TEX11: variants seen among roughly 807,000 people sequenced by gnomAD.
TEX11 encodes testis expressed 11.
TEX11 carries 7 observed loss-of-function variants against 84.4 expected under a neutral mutation model. The ratio of observed to expected loss-of-function variants is 0.08; its 90% CI spans 0.05 to 0.16. The LOEUF (loss-of-function observed/expected upper bound fraction) is 0.16. TEX11 is among the 10% of genes least tolerant of loss of function. The probability of loss-of-function intolerance (pLI) is 1.00; values close to 1 mark genes in which losing one functional copy is unlikely to be tolerated. For missense variants in TEX11, 551 were observed against 660.5 expected (o/e 0.83, Z 1.82); for synonymous variants, 264 against 222.8 (o/e 1.18, Z -1.64).
At chrX:70,734,950 A>C (rs1016446965) in intron 11 of TEX11, among the ~76,000 whole-genome samples, 1 of 112,415 alleles carries the variant, frequency 8.9e-6, no homozygotes, top group African/African-American at 3.2e-5. Context: ...ATTCTATTTA[A>C]CATAGTAATG....
chrX:70,869,810 A>G (rs1224857601), intron 4 of TEX11, among the ~76,000 whole-genome samples: 2 of 110,943 alleles, frequency 1.8e-5, no homozygotes, highest in African/African-American at 3.3e-5. Context: ...GGCCTGAAAT[A>G]TCCTGGTCCT....
At chrX:70,760,050 C>A (rs1481383148) in intron 9 of TEX11, among the ~76,000 whole-genome samples, 1 of 111,577 alleles carries the variant, frequency 9.0e-6, no homozygotes, top group Non-Finnish European at 1.9e-5. Context: ...AAGAATCCAA[C>A]TAACAAGGGA....
At position 70,767,507 on chromosome X, in the gene TEX11, C is replaced by A. The variant is rs141076109; in HGVS notation, c.693-23288G>T. ...AGAAAAGGGGTGGAGAAAAGGGAAC[C>A]CTTGCACAATGTTGGCAGGGATGTA... is the stretch of plus-strand genomic sequence containing the variant. On this transcript the variant is annotated intron_variant, in intron 9 of 29. Coordinates refer to ENST00000374333, the MANE Select transcript of TEX11 (RefSeq NM_031276.3). 1.8e-4 allele frequency among the ~76,000 whole-genome samples: 20 copies of A among 111,387 alleles called. No homozygotes were observed. The East Asian group carries it at 5.7e-3, about 32-fold the overall frequency.
intron 5 of TEX11, among the ~76,000 whole-genome samples, chrX:70,860,379 T>C (rs1303956874): frequency 1.8e-5 from 2 of 112,131 alleles, no homozygotes; most frequent in Non-Finnish European, 3.8e-5. Context: ...CTAAGGTAGA[T>C]ATTACTATTT....
chrX:70,908,047 T>C (rs2091843831), intron 1 of TEX11, among the ~76,000 whole-genome samples: 2 of 111,455 alleles, frequency 1.8e-5, no homozygotes, highest in African/African-American at 3.3e-5. Flanking sequence ...AGCTGAGTGG[T>C]ACCCTGTTAT....
chrX:70,520,245 C>T, the TEX11 span, among the ~76,000 whole-genome samples: 2 of 112,250 alleles, frequency 1.8e-5, no homozygotes, highest in African/African-American at 3.2e-5. Context: ...TTCTCCCCAT[C>T]TTTGTGGTTT....
At chrX:70,551,714 G>T (rs2088216990) in intron 28 of TEX11, among the ~76,000 whole-genome samples, 1 of 111,201 alleles carries the variant, frequency 9.0e-6, no homozygotes, top group South Asian at 3.8e-4. Context: ...AAAAGAAAAA[G>T]AAATCAGCAG....
chrX:70,648,516 G>A (rs887139556), intron 17 of TEX11, among the ~76,000 whole-genome samples: 1 of 110,639 alleles, frequency 9.0e-6, no homozygotes, highest in African/African-American at 3.3e-5. Flanking sequence ...AAGACAACTT[G>A]TATCCAGAAT....
intron 14 of TEX11, among the ~76,000 whole-genome samples, chrX:70,680,037 A>T (rs1342480610): frequency 3.7e-4 from 20 of 53,600 alleles, no homozygotes; most frequent in African/African-American, 1.1e-3. Flanking sequence ...CCTACTGGGA[A>T]CTGAGGAGCC....
intron 4 of TEX11, among the ~76,000 whole-genome samples, chrX:70,861,909 G>A (rs1177039029): frequency 8.9e-6 from 1 of 111,906 alleles, no homozygotes; most frequent in East Asian, 2.8e-4. Flanking sequence ...ATCTAAAGCT[G>A]TTCAACATCT....
intron 9 of TEX11, among the ~76,000 whole-genome samples, chrX:70,788,938 A>T (rs1386526904): frequency 1.1e-4 from 2 of 18,217 alleles, no homozygotes; most frequent in African/African-American, 2.8e-4. Flanking sequence ...GGTTTTGATT[A>T]TATATATATA....
chrX:70,805,694 C>T (rs187209015), intron 9 of TEX11, among the ~76,000 whole-genome samples: 339 of 112,110 alleles, frequency 3.0e-3, no homozygotes, highest in African/African-American at 6.8e-3. Flanking sequence ...AGCCACCATG[C>T]CCAGCCTCCT....
rs1334989976 is a variant in TEX11, at chrX:70,779,696, AGAG to A, written c.692+27006_692+27008del. ...GTAATCAAATAAAATCAGAAATGAG[AGAG>A]GAGATGTTACAACTGATATCAAGAA... On this transcript the variant is annotated intron_variant, in intron 9 of 29. Coordinates refer to ENST00000374333, the MANE Select transcript of TEX11 (RefSeq NM_031276.3). Among the ~76,000 whole-genome samples, 15 of 111,035 alleles carry A rather than the reference AGAG, an allele frequency of 1.4e-4. No homozygotes were observed. In the East Asian group the frequency reaches 3.1e-3, roughly 23 times the overall value.
intron 11 of TEX11, among the ~76,000 whole-genome samples, chrX:70,728,334 T>C (rs748802430): frequency 1.2e-4 from 13 of 112,744 alleles, no homozygotes; most frequent in Non-Finnish European, 2.1e-4. Context: ...GTGGGTGCAG[T>C]GCACTGAGCC....
intron 9 of TEX11, among the ~76,000 whole-genome samples, chrX:70,750,941 TA>T (rs2090818031): frequency 1.6e-5 from 1 of 61,857 alleles, no homozygotes; most frequent in Non-Finnish European, 2.8e-5. Flanking sequence ...AAAATATATA[TA>T]TATATATATA....
At position 70,885,751 on chromosome X, in the gene TEX11, G is replaced by A. The variant is rs1234916946; in HGVS notation, c.38-5642C>T. ...TACCAAAAATACAAAAATTAGCTGG[G>A]CACGGTGGCACCACCTGTAGTGCCA... On this transcript the variant is annotated intron_variant, in intron 2 of 29. Coordinates refer to ENST00000374333, the MANE Select transcript of TEX11 (RefSeq NM_031276.3). Among the ~76,000 whole-genome samples the A allele has an allele frequency of 7.3e-5, 8 of 109,221 alleles. No individual in the cohort carries two copies. The Admixed American group carries it at 7.9e-4, about 11-fold the overall frequency. The allele number at this position is 109,221 out of a possible 115,157, so 94.8% of individuals were successfully genotyped here.
downstream of TEX11, among the ~76,000 whole-genome samples, chrX:70,528,724 T>C (rs2087847488): frequency 9.0e-6 from 1 of 111,372 alleles, no homozygotes. Flanking sequence ...ACCACTAAGG[T>C]CCTTCCAAAT....
At chrX:70,829,180 T>C (rs1181335622) in intron 8 of TEX11, among the ~76,000 whole-genome samples, 2 of 111,581 alleles carry the variant, frequency 1.8e-5, no homozygotes, top group Non-Finnish European at 3.8e-5. Flanking sequence ...TCATGGGTAA[T>C]AGTAAGCACA....
At chrX:70,514,883 C>T in the TEX11 span, among the ~76,000 whole-genome samples, 1 of 110,631 alleles carries the variant, frequency 9.0e-6, no homozygotes, top group East Asian at 2.9e-4. Flanking sequence ...GCTTGGCCTA[C>T]ATGGTGAAAC....
Sources: allele counts gnomAD v4.1 joint callset (sites outside exome capture counted in the v4.1 genomes callset), GRCh38; gene constraint gnomAD v4.1.1; transcripts MANE v1.5; gene names NCBI Gene and HGNC (gene_info 2026-07-23, HGNC 2026-07-21).